The following KCNC2 variants were observed in gnomAD, a reference collection of about 807,000 sequenced individuals.
KCNC2 encodes voltage-gated potassium channel KCNC2.
A neutral mutation model predicts 44.5 loss-of-function variants in KCNC2; 21 were observed. The observed-to-expected ratio is 0.47, with a 90% CI of 0.33 to 0.68. The LOEUF is 0.68. KCNC2 is among the 30% of genes least tolerant of loss of function. The pLI is 0.01. For missense variants in KCNC2, 589 were observed against 826.2 expected (o/e 0.71, Z 3.52); for synonymous variants, 391 against 339.1 (o/e 1.15, Z -1.68).
intron 2 of KCNC2, among the ~76,000 whole-genome samples, chr12:75,128,039 T>A (rs1888559870): frequency 6.6e-6 from 1 of 152,178 alleles, no homozygotes; most frequent in Non-Finnish European, 1.5e-5. Context: ...ATCTTCCATG[T>A]AATAATCACA....
Position 75,041,191 on chromosome 12 carries a change from T to C in KCNC2, c.*1914A>G. The stretch of plus-strand genomic sequence containing the variant: ...TTTCTCAGCAGTCAATAATCCATGA[T>C]AAATTCTGTACAACACTGTAGTCAA... On this transcript the variant is annotated 3_prime_UTR_variant, in exon 5 of 5. Transcript: ENST00000549446. 4 of 1,596,140 alleles carry C rather than the reference T, an allele frequency of 2.5e-6. No homozygotes were observed. The highest frequency in any genetic ancestry group is 3.4e-6 in the Non-Finnish European group (4 of 1,178,286).
chr12:75,173,831 T>C (rs1891994450), intron 2 of KCNC2, among the ~76,000 whole-genome samples: 1 of 151,876 alleles, frequency 6.6e-6, no homozygotes, highest in African/African-American at 2.4e-5. Flanking sequence ...TTCCAAACCT[T>C]TGGAATTCAA....
chr12:75,159,053 G>A (rs1392996459), intron 2 of KCNC2, among the ~76,000 whole-genome samples: 3 of 149,700 alleles, frequency 2.0e-5, no homozygotes, highest in Admixed American at 6.7e-5. Flanking sequence ...TCTCTCCTAA[G>A]TGGGAGCTGA....
At chr12:75,112,440 C>T (rs1317718568) in intron 2 of KCNC2, among the ~76,000 whole-genome samples, 1 of 151,968 alleles carries the variant, frequency 6.6e-6, no homozygotes, top group African/African-American at 2.4e-5. Flanking sequence ...CTACAATTTC[C>T]CTGCCTCTGT....
intron 2 of KCNC2, among the ~76,000 whole-genome samples, chr12:75,055,608 C>T (rs1881656792): frequency 6.6e-6 from 1 of 152,070 alleles, no homozygotes; most frequent in Non-Finnish European, 1.5e-5. Context: ...TCTGATGCAT[C>T]ATCCCAGGTA....
chr12:75,141,066 T>C (rs1889618128), intron 2 of KCNC2, among the ~76,000 whole-genome samples: 1 of 152,210 alleles, frequency 6.6e-6, no homozygotes. Flanking sequence ...GCAAACTGAA[T>C]GAAAACTGGT....
chr12:75,208,049 A>G (rs946462971), intron 1 of KCNC2, 47 bp from the exon 2 acceptor site: 33 of 1,597,514 alleles, frequency 2.1e-5, no homozygotes, highest in Non-Finnish European at 2.7e-5. Context: ...TTAGCCGTCA[A>G]AGACACACCA....
In KCNC2 at chr12:75,041,533, A is replaced by G. The variant is rs1328604750; in HGVS notation, c.*1572T>C. The G allele has an allele frequency of 5.3e-6, 6 of 1,129,802 alleles. No homozygotes were observed. In the East Asian group the frequency reaches 1.8e-4, roughly 34 times the overall value. 70.0% of individuals were successfully genotyped at this position (1,129,802 alleles called of 1,614,324 possible). ...CCTTAGTGATATTATTTATCCCTCTATTTATATTACGGTCTTTTTCTTCCC... is the reference window on the plus strand; with the variant it reads ...CCTTAGTGATATTATTTATCCCTCTGTTTATATTACGGTCTTTTTCTTCCC... On this transcript the variant is annotated 3_prime_UTR_variant, in exon 5 of 5. Transcript: ENST00000549446.
In KCNC2 at chr12:75,083,490, G is replaced by C. The variant is rs181081257; in HGVS notation, c.688-32173C>G. ...AAGAGAATAACACATTAGAAAACATGAAAATAAGAGTCTCAGTCCCAGTTC... is the reference window on the plus strand; with the variant it reads ...AAGAGAATAACACATTAGAAAACATCAAAATAAGAGTCTCAGTCCCAGTTC... On this transcript the variant is annotated intron_variant, in intron 2 of 4. Transcript: ENST00000549446. Among the ~76,000 whole-genome samples, 303 of 151,988 alleles carry C rather than the reference G, an allele frequency of 2.0e-3. 1 individual carries two copies. The highest frequency in any genetic ancestry group is 6.9e-3 in the African/African-American group (285 of 41,516).
intron 2 of KCNC2, among the ~76,000 whole-genome samples, chr12:75,087,725 C>T (rs1885139921): frequency 6.6e-6 from 1 of 151,994 alleles, no homozygotes; most frequent in Non-Finnish European, 1.5e-5. Flanking sequence ...CCTGAAAATG[C>T]AAAGCATAGG....
intron 2 of KCNC2, among the ~76,000 whole-genome samples, chr12:75,163,569 G>T (rs370361653): frequency 6.6e-6 from 1 of 151,684 alleles, no homozygotes; most frequent in African/African-American, 2.4e-5. Flanking sequence ...CCTGTAGAAT[G>T]CTAAATTTCA....
At chr12:75,139,508 T>G (rs570850499) in intron 2 of KCNC2, among the ~76,000 whole-genome samples, 3 of 152,350 alleles carry the variant, frequency 2.0e-5, no homozygotes, top group African/African-American at 4.8e-5. Context: ...TGAAATTTTC[T>G]TATGTGAACA....
At chr12:75,116,819 A>G (rs1457951763) in intron 2 of KCNC2, among the ~76,000 whole-genome samples, 1 of 152,038 alleles carries the variant, frequency 6.6e-6, no homozygotes. Context: ...GCCAACACAC[A>G]CATATCTGCA....
intron 2 of KCNC2, among the ~76,000 whole-genome samples, chr12:75,170,431 TC>T (rs1891736809): frequency 6.6e-6 from 1 of 151,682 alleles, no homozygotes; most frequent in Non-Finnish European, 1.5e-5. Context: ...GAATCAAAAA[TC>T]ATGGAATTCT....
intron 2 of KCNC2, among the ~76,000 whole-genome samples, chr12:75,112,428 T>G (rs1437915793): frequency 6.6e-6 from 1 of 152,066 alleles, no homozygotes; most frequent in African/African-American, 2.4e-5. Flanking sequence ...TCTTAACTCT[T>G]CCTACAATTT....
Position 75,041,148 on chromosome 12 carries a change from G to T in KCNC2, c.*1957C>A. 6.3e-7 allele frequency: 1 copy of T among 1,596,606 alleles called. No homozygotes were observed. The highest frequency in any genetic ancestry group is 8.5e-7 in the Non-Finnish European group (1 of 1,178,676). Reference sequence around the variant, plus strand: ...TGTTTCCAGTATAGTCCTTGGTATGGCTAAATTCCACTGTCCCTTTCTCAG... The same window carrying T: ...TGTTTCCAGTATAGTCCTTGGTATGTCTAAATTCCACTGTCCCTTTCTCAG... On this transcript the variant is annotated 3_prime_UTR_variant, in exon 5 of 5. Transcript: ENST00000549446.
At chr12:75,129,389 C>A (rs1888671372) in intron 2 of KCNC2, among the ~76,000 whole-genome samples, 1 of 152,116 alleles carries the variant, frequency 6.6e-6, no homozygotes. Context: ...TTTTATTGAG[C>A]TCGTAACTTC....
chr12:75,046,088 G>C (rs1304749780), intron 4 of KCNC2, among the ~76,000 whole-genome samples: 1 of 151,720 alleles, frequency 6.6e-6, no homozygotes, highest in Non-Finnish European at 1.5e-5. Flanking sequence ...AAGTTAGCCA[G>C]AAGTACTATC....
intron 2 of KCNC2, among the ~76,000 whole-genome samples, chr12:75,128,044 A>G (rs900998158): frequency 6.6e-6 from 1 of 152,184 alleles, no homozygotes; most frequent in African/African-American, 2.4e-5. Context: ...CCATGTAATA[A>G]TCACAAAATT....
Sources: allele counts gnomAD v4.1 joint callset (sites outside exome capture counted in the v4.1 genomes callset), GRCh38; gene constraint gnomAD v4.1.1; transcripts MANE v1.5; gene names NCBI Gene and HGNC (gene_info 2026-07-23, HGNC 2026-07-21).